UNC13C: variants seen among roughly 807,000 people sequenced by gnomAD.
UNC13C encodes unc-13 homolog C.
A neutral mutation model predicts 245.4 loss-of-function variants in UNC13C; 174 were observed. That is an observed-to-expected ratio of 0.71 (90% confidence interval 0.63 to 0.80). The LOEUF is 0.80. Among genes scored for constraint, UNC13C ranks in the 30% least tolerant of loss-of-function variants. The probability of loss-of-function intolerance (pLI) is 0.00; values close to 1 mark genes in which losing one functional copy is unlikely to be tolerated. For synonymous variants in UNC13C, 992 were observed against 895.1 expected, an observed-to-expected ratio of 1.11 and a Z score of -1.93; for missense variants, 2,829 against 2,602.9, an observed-to-expected ratio of 1.09 and a Z score of -1.89.
chr15:54,406,507 T>C (rs1171368402), intron 18 of UNC13C, among the ~76,000 whole-genome samples: 1 of 152,212 alleles, frequency 6.6e-6, no homozygotes, highest in Non-Finnish European at 1.5e-5. Flanking sequence ...GTGCCATATT[T>C]TGGGGTAGCA....
At chr15:53,886,681 G>T in the UNC13C span, among the ~76,000 whole-genome samples, 8 of 152,250 alleles carry the variant, frequency 5.3e-5, no homozygotes, top group South Asian at 1.5e-3. Context: ...ATTAAAAAGG[G>T]AGGTAGGGGA....
intron 30 of UNC13C, among the ~76,000 whole-genome samples, chr15:54,574,505 T>C (rs1566917995): frequency 6.6e-6 from 1 of 152,178 alleles, no homozygotes; most frequent in Non-Finnish European, 1.5e-5. Context: ...TTGAACATAT[T>C]AAATACAGTT....
At chr15:53,886,502 T>C in the UNC13C span, among the ~76,000 whole-genome samples, 1 of 152,154 alleles carries the variant, frequency 6.6e-6, no homozygotes, top group Admixed American at 6.5e-5. Flanking sequence ...GAGACCATAC[T>C]TCTATAAGTA....
the UNC13C span, among the ~76,000 whole-genome samples, chr15:53,969,060 A>G: frequency 2.0e-5 from 3 of 152,220 alleles, no homozygotes; most frequent in East Asian, 5.8e-4. Flanking sequence ...TAGGATAAAG[A>G]GAATAATTAC....
intron 13 of UNC13C, among the ~76,000 whole-genome samples, chr15:54,311,509 T>G (rs1414468242): frequency 1.3e-5 from 2 of 151,774 alleles, no homozygotes; most frequent in Non-Finnish European, 2.9e-5. Context: ...GAAAGAAAAG[T>G]AGCATTAAGT....
chr15:54,471,216 G>T (rs980939800), intron 19 of UNC13C, among the ~76,000 whole-genome samples: 6 of 151,562 alleles, frequency 4.0e-5, no homozygotes, highest in African/African-American at 1.2e-4. Flanking sequence ...TGTGTGTTAT[G>T]TCTGTTATAG....
the UNC13C span, among the ~76,000 whole-genome samples, chr15:53,923,943 G>A: frequency 3.9e-5 from 6 of 152,156 alleles, no homozygotes; most frequent in African/African-American, 1.4e-4. Context: ...GCGGTGGCTC[G>A]CGCCTGTAAT....
intron 4 of UNC13C, among the ~76,000 whole-genome samples, chr15:54,162,279 A>C (rs2033008224): frequency 6.6e-6 from 1 of 152,188 alleles, no homozygotes; most frequent in South Asian, 2.1e-4. Flanking sequence ...GGACTGGTCC[A>C]TTTCCTTGTC....
intron 20 of UNC13C, among the ~76,000 whole-genome samples, chr15:54,499,160 A>G (rs1894087610): frequency 1.3e-5 from 2 of 152,098 alleles, no homozygotes; most frequent in Admixed American, 1.3e-4. Context: ...AATCATGGCA[A>G]AAGGCAAAGA....
chr15:54,169,508 AT>A (rs1345383368), intron 4 of UNC13C, among the ~76,000 whole-genome samples: 2 of 152,162 alleles, frequency 1.3e-5, no homozygotes, highest in African/African-American at 4.8e-5. Flanking sequence ...TTCTTTGTAA[AT>A]AATGGCACCT....
chr15:54,367,655 A>G (rs2039394237), intron 17 of UNC13C, among the ~76,000 whole-genome samples: 1 of 152,174 alleles, frequency 6.6e-6, no homozygotes, highest in South Asian at 2.1e-4. Context: ...CCAACAAATT[A>G]TAGCATAATA....
the UNC13C span, among the ~76,000 whole-genome samples, chr15:53,899,783 A>G: frequency 3.9e-5 from 6 of 152,086 alleles, no homozygotes; most frequent in Non-Finnish European, 5.9e-5. Context: ...AGCTGGTCTC[A>G]AACTCCCGAC....
chr15:53,855,559 GT>G, the UNC13C span, among the ~76,000 whole-genome samples: 1 of 152,070 alleles, frequency 6.6e-6, no homozygotes, highest in African/African-American at 2.4e-5. Flanking sequence ...TTATCATATG[GT>G]TTTTTGTCTT....
chr15:54,444,775 G>C (rs946536322), intron 19 of UNC13C, among the ~76,000 whole-genome samples: 5 of 151,030 alleles, frequency 3.3e-5, no homozygotes, highest in Non-Finnish European at 7.4e-5. Context: ...GTGTAGAACT[G>C]GCTTAAGAGT....
At chr15:54,177,090 G>A (rs1289708265) in intron 4 of UNC13C, among the ~76,000 whole-genome samples, 1 of 151,948 alleles carries the variant, frequency 6.6e-6, no homozygotes, top group Non-Finnish European at 1.5e-5. Flanking sequence ...GTGTTTCAAA[G>A]GCATTCTGAA....
chr15:54,195,971 C>T (rs1374965312), intron 4 of UNC13C, among the ~76,000 whole-genome samples: 1 of 152,076 alleles, frequency 6.6e-6, no homozygotes, highest in Non-Finnish European at 1.5e-5. Context: ...TGTGCAAGTT[C>T]TCCCCCTTTC....
chr15:54,252,999 C>A (rs2036191497), intron 8 of UNC13C, among the ~76,000 whole-genome samples: 1 of 152,130 alleles, frequency 6.6e-6, no homozygotes, highest in Non-Finnish European at 1.5e-5. Context: ...TTAAATATGA[C>A]AGTTTTTCAA....
At chr15:54,316,056 A>G (rs2038000348) in intron 13 of UNC13C, among the ~76,000 whole-genome samples, 1 of 151,916 alleles carries the variant, frequency 6.6e-6, no homozygotes, top group Non-Finnish European at 1.5e-5. Context: ...TTTAAAATCC[A>G]GATCTGATTA....
chr15:54,038,116 A>ATTT (rs1315947594), intron 2 of UNC13C, among the ~76,000 whole-genome samples: 71 of 22,572 alleles, frequency 3.1e-3, no homozygotes, highest in East Asian at 7.6e-3. Context: ...ATATATATAT[A>ATTT]TATATATATT....
Sources: allele counts gnomAD v4.1 joint callset (sites outside exome capture counted in the v4.1 genomes callset), GRCh38; gene constraint gnomAD v4.1.1; transcripts MANE v1.5; gene names NCBI Gene and HGNC (gene_info 2026-07-23, HGNC 2026-07-21).